The following FCSK variants were observed in gnomAD, a reference collection of about 807,000 sequenced individuals.
The protein encoded by FCSK is fucose kinase, also known as L-fucose kinase.
A neutral mutation model predicts 122.5 loss-of-function variants in FCSK; 123 were observed. The observed-to-expected ratio is 1.00, with a 90% CI of 0.87 to 1.17. FCSK has a LOEUF of 1.17. Ranked by LOEUF, FCSK falls within the 50% of genes most tolerant of loss-of-function variation. FCSK has a pLI of 0.00. For missense variants in FCSK, 1,366 were observed against 1,450.4 expected (o/e 0.94, Z 0.95); for synonymous variants, 620 against 625.5 (o/e 0.99, Z 0.13).
chr16:70,478,670 G>A lies in FCSK; in HGVS notation c.2929+20G>A, dbSNP rs201058048. On this transcript the variant is annotated intron_variant, in intron 22 of 23. Transcript: ENST00000288078. ...GCCAAGGTGAGGGGCTTCCTCTGGG[G>A]GGGTCAGGGCACTGGGAGCGAGTAT... 4.4e-6 allele frequency: 7 copies of A among 1,603,936 alleles called. No homozygotes were observed. The Admixed American group carries it at 1.2e-4, about 27-fold the overall frequency.
chr16:70,470,750 G>C (rs1371762978), intron 11 of FCSK, among the ~76,000 whole-genome samples: 1 of 152,238 alleles, frequency 6.6e-6, no homozygotes, highest in African/African-American at 2.4e-5. Context: ...GTAGGGTTCA[G>C]AGGTGGCCCC....
intron 18 of FCSK, 69 bp downstream of exon 18, chr16:70,475,080 GCAGGCCAGTGGGGT>G: frequency 1.4e-6 from 2 of 1,409,828 alleles, no homozygotes; most frequent in Non-Finnish European, 1.9e-6. Flanking sequence ...GCTAGAGACT[GCAGGCCAGTGGGGT>G]CTGGCCTGAG....
At chr16:70,461,234 T>C (rs1056277661) in intron 1 of FCSK, among the ~76,000 whole-genome samples, 2 of 152,310 alleles carry the variant, frequency 1.3e-5, no homozygotes, top group Non-Finnish European at 2.9e-5. Context: ...AGATGTGTGC[T>C]CAGGGCGCAG....
rs547399136 is a variant in FCSK at position 70,477,946 on chromosome 16, G to A, written c.2642-326G>A. 1.9e-5 allele frequency: 5 copies of A among 265,262 alleles called. No individual in the cohort carries two copies. The East Asian group carries it at 4.2e-4, about 22-fold the overall frequency. The allele number at this position is 265,262 out of a possible 1,614,324, so 16.4% of individuals were successfully genotyped here. Reference sequence around the variant, plus strand: ...GATCTGCCCGCCTTAGCCTCCCAAAGTGCTGTGATTACAGGCGTGTGCCAC... The same window carrying A: ...GATCTGCCCGCCTTAGCCTCCCAAAATGCTGTGATTACAGGCGTGTGCCAC... On this transcript the variant is annotated intron_variant, in intron 20 of 23. Coordinates refer to ENST00000288078, the MANE Select transcript of FCSK (RefSeq NM_145059.3).
At chr16:70,461,387 C>T (rs940532567) in intron 1 of FCSK, among the ~76,000 whole-genome samples, 35 of 151,476 alleles carry the variant, frequency 2.3e-4, no homozygotes, top group Admixed American at 2.0e-3. Context: ...TCCTGGGGGA[C>T]TCGGTCTCGG....
chr16:70,460,709 G>A (rs1165091140), intron 1 of FCSK, among the ~76,000 whole-genome samples: 1 of 152,244 alleles, frequency 6.6e-6, no homozygotes, highest in Non-Finnish European at 1.5e-5. Context: ...AGGTGGCAGT[G>A]CAGTTCTAAG....
intron 1 of FCSK, among the ~76,000 whole-genome samples, chr16:70,460,612 C>T (rs2048236451): frequency 6.6e-6 from 1 of 152,024 alleles, no homozygotes; most frequent in African/African-American, 2.4e-5. Context: ...ACCATATTGG[C>T]CAGGCTGGTC....
Position 70,479,252 on chromosome 16 carries a change from AG to A in FCSK, c.3003del (p.Glu1001AspfsTer3). 1 of 1,613,872 alleles carries A rather than the reference AG, an allele frequency of 6.2e-7. No homozygotes were observed. The highest frequency in any genetic ancestry group is 8.5e-7 in the Non-Finnish European group (1 of 1,180,028). On this transcript the variant is annotated frameshift_variant, in exon 23 of 24. Coordinates refer to ENST00000288078, the MANE Select transcript of FCSK (RefSeq NM_145059.3). LOFTEE classifies it high-confidence loss of function. Reference sequence around the variant, plus strand: ...AAGAAGCTCATGGCTCCAGGCTGTGAGCCCCTGACTGTGCGGCGTATGATGG... The same window carrying A: ...AAGAAGCTCATGGCTCCAGGCTGTGACCCCTGACTGTGCGGCGTATGATGG... The part of the protein sequence containing the change: ...EQKKLMAPGC[E>X]PLTVRRMMDV...
chr16:70,470,433 C>A lies in FCSK; in HGVS notation c.1068+7C>A. On this transcript the variant is annotated splice_region_variant and intron_variant, in intron 11 of 23. Transcript: ENST00000288078. ...TGTGCACTCCCAGGTGGAGGTGAGA[C>A]CTCCCTGCCCCTCCGGTGCCTGCTG... 1.9e-6 allele frequency: 3 copies of A among 1,539,740 alleles called. No homozygotes were observed. The highest frequency in any genetic ancestry group is 1.4e-5 in the African/African-American group (1 of 73,382).
At chr16:70,470,573 G>A (rs2048581262) in intron 11 of FCSK, 147 bp downstream of exon 11, 2 of 623,214 alleles carry the variant, frequency 3.2e-6, no homozygotes, top group Non-Finnish European at 5.7e-6. Context: ...TGGAGGCTCA[G>A]AGAGGCTAAG....
At chr16:70,467,058 CTATT>C in intron 6 of FCSK, 104 bp downstream of exon 6, 1 of 1,070,232 alleles carries the variant, frequency 9.3e-7, no homozygotes, top group Non-Finnish European at 1.4e-6. Flanking sequence ...CCCCGCTGCC[CTATT>C]AGACGGGAAG....
At chr16:70,456,458 C>G (rs1482996714) in intron 1 of FCSK, among the ~76,000 whole-genome samples, 1 of 152,168 alleles carries the variant, frequency 6.6e-6, no homozygotes, top group Non-Finnish European at 1.5e-5. Flanking sequence ...CAGGGGATGT[C>G]CCTCAGCCTT....
At chr16:70,471,501 GGGA>G (rs2048618650) in intron 13 of FCSK, 149 bp downstream of exon 13, 1 of 807,778 alleles carries the variant, frequency 1.2e-6, no homozygotes, top group African/African-American at 1.7e-5. Context: ...GAGAGAATGA[GGGA>G]GGAGATAGGG....
At chr16:70,468,734 C>A in intron 8 of FCSK, 115 bp from the exon 9 acceptor site, 2 of 1,351,776 alleles carry the variant, frequency 1.5e-6, no homozygotes, top group Non-Finnish European at 2.1e-6. Context: ...AGGTGACACT[C>A]CCTGCCTGGT....
At position 70,478,630 on chromosome 16, in the gene FCSK, G is replaced by A. The variant is rs2048892107; in HGVS notation, c.2909G>A (p.Cys970Tyr). 6.2e-7 allele frequency: 1 copy of A among 1,613,674 alleles called. No individual in the cohort carries two copies. Among genetic ancestry groups the A allele is most frequent in the Non-Finnish European group, 8.5e-7 (1 of 1,180,030 alleles). Residue 970 changes from cysteine to tyrosine, a missense_variant, in exon 22 of 24, where the codon TGT becomes TAT. Transcript: ENST00000288078. Reference protein sequence around the residue: ...AHSLVRQTEECAEGFRQGSLP... With the variant: ...AHSLVRQTEEYAEGFRQGSLP... ...AGCCTGGTACGGCAAACTGAGGAGT[G>A]TGCTGAAGGCTTCCGCCAAGGTGAG...
At chr16:70,465,518 C>G (rs1413192432) in intron 4 of FCSK, among the ~76,000 whole-genome samples, 1 of 151,944 alleles carries the variant, frequency 6.6e-6, no homozygotes, top group Non-Finnish European at 1.5e-5. Flanking sequence ...AATTAGCCGC[C>G]ATGGTGGTGC....
Position 70,468,809 on chromosome 16 carries a change from C to T in FCSK, c.664-40C>T, listed in dbSNP as rs778613636. The T allele has an allele frequency of 5.6e-6, 9 of 1,612,802 alleles. No homozygotes were observed. In the African/African-American group the frequency reaches 6.7e-5, roughly 12 times the overall value. ...CCCTGACTTGTACCAGGGCCTGGTCCAGGGCCCTCCATCTCTGATCCTTTT... is the reference window on the plus strand; with the variant it reads ...CCCTGACTTGTACCAGGGCCTGGTCTAGGGCCCTCCATCTCTGATCCTTTT... On this transcript the variant is annotated intron_variant, in intron 8 of 23. Coordinates refer to ENST00000288078, the MANE Select transcript of FCSK (RefSeq NM_145059.3).
intron 21 of FCSK, 40 bp downstream of exon 21, chr16:70,478,499 C>A (rs777625553): frequency 6.2e-7 from 1 of 1,613,288 alleles, no homozygotes; most frequent in South Asian, 1.1e-5. Context: ...AGGCAGGGGG[C>A]CTGCCAGCTG....
chr16:70,467,318 A>T (rs1263239156), intron 6 of FCSK, 56 bp from the exon 7 acceptor site: 2 of 1,286,108 alleles, frequency 1.6e-6, no homozygotes, highest in Non-Finnish European at 2.2e-6. Flanking sequence ...CCTGGTGGGG[A>T]AATCCGTGCC....
Sources: gnomAD v4.1 joint callset for allele counts (sites outside exome capture counted in the v4.1 genomes callset) on GRCh38, gnomAD v4.1.1 for gene constraint, MANE v1.5 for transcripts, NCBI Gene and HGNC (gene_info 2026-07-23, HGNC 2026-07-21) for gene names.